The following CYRIB variants were observed in gnomAD, a reference collection of about 807,000 sequenced individuals.
CYRIB encodes CYFIP-related Rac1 interactor B.
CYRIB carries 8 observed loss-of-function variants against 44.2 expected under a neutral mutation model. That is an observed-to-expected ratio of 0.18 (90% CI 0.11 to 0.33). The LOEUF is 0.33. CYRIB is among the 10% of genes least tolerant of loss of function. The pLI, the probability that CYRIB is intolerant of heterozygous loss-of-function variation, is 1.00. For synonymous variants in CYRIB, 131 were observed against 127.2 expected (o/e 1.03, Z -0.20); for missense variants, 185 against 382.8 (o/e 0.48, Z 4.31).
rs535296777 is a variant in CYRIB, at chr8:129,971,941, G to A, written c.-295-946C>T. ...TTAGTGTGAAGATCTGAGCAAAGTC[G>A]GCAGTGTCTAGACACTCTTATTATT... On this transcript the variant is annotated intron_variant, in intron 1 of 14. Transcript: ENST00000401979. Among the ~76,000 whole-genome samples, 7 of 152,240 alleles carry A rather than the reference G, an allele frequency of 4.6e-5. No homozygotes were observed. The South Asian group carries it at 6.2e-4, about 14-fold the overall frequency.
chr8:129,850,734 T>A lies in CYRIB; in HGVS notation c.713+101A>T, dbSNP rs139643548. 5.3e-4 allele frequency: 443 copies of A among 839,938 alleles called. 1 individual carries two copies. The African/African-American group carries it at 6.7e-3, about 13-fold the overall frequency. The allele number at this position is 839,938 out of a possible 1,614,324, so 52.0% of individuals were successfully genotyped here. On this transcript the variant is annotated intron_variant, in intron 9 of 11. Coordinates refer to ENST00000519824, the Ensembl canonical transcript of CYRIB. ...ATTTGGAATATACTTACTTTCCACC[T>A]TCCAGATAAAACATGTTAACATGTT...
intron 1 of CYRIB, among the ~76,000 whole-genome samples, chr8:129,999,328 C>CT (rs2096855102): frequency 6.6e-6 from 1 of 152,194 alleles, no homozygotes; most frequent in South Asian, 2.1e-4. Context: ...CCACCAGGCC[C>CT]GTCTCGGGAT....
At chr8:129,882,512 C>T (rs1218256672) in intron 2 of CYRIB, among the ~76,000 whole-genome samples, 1 of 152,144 alleles carries the variant, frequency 6.6e-6, no homozygotes, top group Non-Finnish European at 1.5e-5. Flanking sequence ...TCCTTATCAA[C>T]ACATTCCAAT....
intron 4 of CYRIB, 46 bp from the exon 7 acceptor site, chr8:129,862,380 A>G (rs2050239211): frequency 5.6e-6 from 8 of 1,428,842 alleles, no homozygotes; most frequent in Non-Finnish European, 7.8e-6. Flanking sequence ...AAAAAAAAAA[A>G]AGGTTCATTT....
chr8:129,939,456 G>A (rs1176359933), intron 1 of CYRIB, among the ~76,000 whole-genome samples: 1 of 151,712 alleles, frequency 6.6e-6, no homozygotes, highest in South Asian at 2.1e-4. Context: ...GGCGTCGCGG[G>A]GCCGGGGGCG....
intron 1 of CYRIB, among the ~76,000 whole-genome samples, chr8:129,931,487 TTATTA>T (rs2091329265): frequency 6.6e-6 from 1 of 152,230 alleles, no homozygotes; most frequent in Non-Finnish European, 1.5e-5. Flanking sequence ...TGAGTAAATG[TTATTA>T]AAGTGACCAA....
At chr8:129,993,852 A>G (rs1276741944) in intron 1 of CYRIB, among the ~76,000 whole-genome samples, 3 of 149,872 alleles carry the variant, frequency 2.0e-5, no homozygotes, top group African/African-American at 7.4e-5. Flanking sequence ...ACAAAACCAG[A>G]CCCTGTCTCA....
At chr8:129,882,638 C>A (rs2061203884) in intron 2 of CYRIB, among the ~76,000 whole-genome samples, 1 of 152,088 alleles carries the variant, frequency 6.6e-6, no homozygotes, top group Non-Finnish European at 1.5e-5. Context: ...GTTTCCTTAC[C>A]TTTTTACGTG....
At chr8:129,865,479 C>CTCA (rs1315399919) in intron 4 of CYRIB, among the ~76,000 whole-genome samples, 6 of 152,236 alleles carry the variant, frequency 3.9e-5, no homozygotes, top group African/African-American at 1.4e-4. Flanking sequence ...CGTAGAAAAA[C>CTCA]ATGGACTCAA....
chr8:129,964,130 T>G (rs2095381777), intron 2 of CYRIB, among the ~76,000 whole-genome samples: 1 of 152,206 alleles, frequency 6.6e-6, no homozygotes, highest in African/African-American at 2.4e-5. Flanking sequence ...TGGGAACATC[T>G]GTTTTGAGAA....
At chr8:129,913,612 G>A (rs775825780) in intron 1 of CYRIB, among the ~76,000 whole-genome samples, 13 of 152,110 alleles carry the variant, frequency 8.5e-5, no homozygotes, top group Non-Finnish European at 1.5e-4. Context: ...CACAGACTAC[G>A]TGTGAACAGT....
intron 1 of CYRIB, among the ~76,000 whole-genome samples, chr8:130,005,296 C>G (rs2134068828): frequency 6.6e-6 from 1 of 152,204 alleles, no homozygotes; most frequent in African/African-American, 2.4e-5. Flanking sequence ...AACAGGAAAC[C>G]AGGACCCAGG....
At chr8:129,881,382 A>G (rs1366534549) in intron 2 of CYRIB, among the ~76,000 whole-genome samples, 1 of 152,202 alleles carries the variant, frequency 6.6e-6, no homozygotes, top group Admixed American at 6.5e-5. Context: ...GCAAATGTAA[A>G]TAAGGCAAAA....
chr8:129,871,367 C>A lies in CYRIB; in HGVS notation c.195+8G>T, dbSNP rs372297949. 1 of 1,599,212 alleles carries A rather than the reference C, an allele frequency of 6.3e-7. No individual in the cohort carries two copies. The highest frequency in any genetic ancestry group is 8.5e-7 in the Non-Finnish European group (1 of 1,175,398). ...CAGTTAACTAGAAAATACATAAATG[C>A]GCTTTACCTCTCGTATTTCGTGGCC... On this transcript the variant is annotated splice_region_variant and intron_variant, in intron 4 of 11. Coordinates refer to ENST00000519824, the Ensembl canonical transcript of CYRIB.
intron 1 of CYRIB, among the ~76,000 whole-genome samples, chr8:129,972,920 G>C (rs565313847): frequency 6.6e-6 from 1 of 152,152 alleles, no homozygotes; most frequent in African/African-American, 2.4e-5. Context: ...ACCAGATCTC[G>C]CCTCCTCTTC....
intron 2 of CYRIB, among the ~76,000 whole-genome samples, chr8:129,881,098 G>A (rs1196578424): frequency 6.6e-6 from 1 of 150,396 alleles, no homozygotes; most frequent in African/African-American, 2.5e-5. Flanking sequence ...AGCAAACAGG[G>A]AGCCAGCAAT....
intron 3 of CYRIB, among the ~76,000 whole-genome samples, chr8:129,876,594 A>C (rs1313861306): frequency 1.3e-5 from 2 of 152,226 alleles, no homozygotes; most frequent in African/African-American, 4.8e-5. Context: ...TTTAAAGACA[A>C]TCTTAATTTT....
At chr8:129,890,233 T>C (rs2064654564) in intron 2 of CYRIB, among the ~76,000 whole-genome samples, 1 of 152,178 alleles carries the variant, frequency 6.6e-6, no homozygotes, top group African/African-American at 2.4e-5. Flanking sequence ...CCCAACAGTA[T>C]CATATGCTAC....
intron 1 of CYRIB, among the ~76,000 whole-genome samples, chr8:129,935,554 G>C (rs949871563): frequency 1.3e-5 from 2 of 152,208 alleles, no homozygotes; most frequent in Admixed American, 1.3e-4. Flanking sequence ...ACCTCCTGTG[G>C]TGCAGTCCAG....
Sources: gnomAD v4.1 joint callset for allele counts (sites outside exome capture counted in the v4.1 genomes callset) on GRCh38, gnomAD v4.1.1 for gene constraint, MANE v1.5 for transcripts, NCBI Gene and HGNC (gene_info 2026-07-23, HGNC 2026-07-21) for gene names.